Variants in GPLD1 observed in about 807,000 individuals in gnomAD.
GPLD1 encodes the protein phosphatidylinositol-glycan-specific phospholipase D.
GPLD1 carries 84 observed loss-of-function variants against 112.6 expected under a neutral mutation model. The observed-to-expected ratio is 0.75, with a 90% CI of 0.63 to 0.89. GPLD1 has a LOEUF of 0.89. Among genes scored for constraint, GPLD1 ranks in the 40% least tolerant of loss-of-function variants. The probability of loss-of-function intolerance (pLI) is 0.00; values close to 1 mark genes in which losing one functional copy is unlikely to be tolerated. For synonymous variants in GPLD1, 386 were observed against 403.8 expected (o/e 0.96, Z 0.53); for missense variants, 1,044 against 1,051.5 (o/e 0.99, Z 0.10).
At chr6:24,429,515 G>A (rs533749037) in intron 24 of GPLD1, among the ~76,000 whole-genome samples, 1 of 152,232 alleles carries the variant, frequency 6.6e-6, no homozygotes, top group Admixed American at 6.5e-5. Context: ...CCATCTTTCA[G>A]AATTGCCTTC....
intron 2 of GPLD1, among the ~76,000 whole-genome samples, chr6:24,483,971 A>G (rs1764287222): frequency 6.6e-6 from 1 of 152,030 alleles, no homozygotes; most frequent in Non-Finnish European, 1.5e-5. Context: ...AATGGAGCGC[A>G]GCAGTGCGAT....
chr6:24,454,750 A>G (rs1314784674), intron 13 of GPLD1, among the ~76,000 whole-genome samples: 1 of 152,242 alleles, frequency 6.6e-6, no homozygotes, highest in Non-Finnish European at 1.5e-5. Flanking sequence ...GAGCTGGATA[A>G]ACCGAGTCAA....
At chr6:24,462,698 T>A (rs1215412037) in intron 11 of GPLD1, 32 bp downstream of exon 11, 1 of 1,494,374 alleles carries the variant, frequency 6.7e-7, no homozygotes, top group Admixed American at 1.7e-5. Context: ...TGAGATGTAC[T>A]TTTTCTATGA....
chr6:24,443,264 C>T (rs989549741), intron 20 of GPLD1, among the ~76,000 whole-genome samples: 18 of 152,272 alleles, frequency 1.2e-4, no homozygotes, highest in African/African-American at 4.1e-4. Context: ...TGAGCAAAGG[C>T]AGCTAGCTCC....
intron 10 of GPLD1, among the ~76,000 whole-genome samples, chr6:24,465,526 C>T (rs1321909617): frequency 1.3e-5 from 2 of 151,648 alleles, no homozygotes; most frequent in African/African-American, 4.9e-5. Context: ...GGTGACAGAA[C>T]AAGACCCCAT....
chr6:24,473,551 C>G (rs1299769053), intron 6 of GPLD1, 68 bp downstream of exon 6: 1 of 933,612 alleles, frequency 1.1e-6, no homozygotes, highest in Admixed American at 1.8e-5. Context: ...ATATTTAAAG[C>G]ACAGTAGTGA....
chr6:24,464,135 A>G (rs1336154651), intron 10 of GPLD1, among the ~76,000 whole-genome samples: 2 of 152,212 alleles, frequency 1.3e-5, no homozygotes, highest in Non-Finnish European at 2.9e-5. Flanking sequence ...TCCTTCCAAT[A>G]CAAACTTTGC....
upstream of GPLD1, among the ~76,000 whole-genome samples, chr6:24,489,846 TGCAA>T (rs1764506897): frequency 2.0e-5 from 3 of 152,308 alleles, no homozygotes; most frequent in South Asian, 2.1e-4. Flanking sequence ...TGTGTAGAGA[TGCAA>T]GCAAAGTTGT....
intron 15 of GPLD1, 52 bp downstream of exon 15, chr6:24,449,737 T>C (rs1581746789): frequency 7.9e-7 from 1 of 1,261,004 alleles, no homozygotes; most frequent in African/African-American, 1.5e-5. Context: ...TCCCTCAGAG[T>C]CCCCTCCCTG....
intron 10 of GPLD1, among the ~76,000 whole-genome samples, chr6:24,465,919 G>A (rs1028407851): frequency 6.6e-6 from 1 of 152,182 alleles, no homozygotes; most frequent in Admixed American, 6.5e-5. Flanking sequence ...TATTAGGTGA[G>A]GTATCCTTTG....
intron 4 of GPLD1, among the ~76,000 whole-genome samples, chr6:24,475,906 A>AT (rs1763999626): frequency 6.6e-6 from 1 of 152,026 alleles, no homozygotes; most frequent in Non-Finnish European, 1.5e-5. Context: ...ACACAAAACC[A>AT]TAAGGACTTT....
rs1334303235 is a variant in GPLD1, at chr6:24,429,126, G to A, written c.2437-8C>T. Reference sequence around the variant, plus strand: ...AGCAATGACGACTTGGTTCTGTAAGGGACACAAGACAGAATTCATGGCTCA... The same window carrying A: ...AGCAATGACGACTTGGTTCTGTAAGAGACACAAGACAGAATTCATGGCTCA... On this transcript the variant is annotated splice_region_variant and splice_polypyrimidine_tract_variant and intron_variant, in intron 24 of 24. Coordinates refer to ENST00000230036, the MANE Select transcript of GPLD1 (RefSeq NM_001503.4). 2.5e-6 allele frequency: 4 copies of A among 1,597,290 alleles called. No individual in the cohort carries two copies. Among genetic ancestry groups the A allele is most frequent in the Non-Finnish European group, 3.4e-6 (4 of 1,165,184 alleles).
chr6:24,445,781 A>G lies in GPLD1; in HGVS notation c.1871T>C (p.Val624Ala). Residue 624 changes from valine (V) to alanine (A), a missense_variant, in exon 19 of 25, where the codon GTG becomes GCG. Physicochemically the swap from Val to Ala is moderately conservative, Grantham distance 64 (BLOSUM62 0). Coordinates refer to ENST00000230036, the MANE Select transcript of GPLD1 (RefSeq NM_001503.4). ...IRDEKKSLGR[V>A]YGYFPPNGQS... is the part of the protein sequence containing the mutation. ...GCCGTTTGGTGGGAAGTAGCCATAC[A>G]CCCTCCCAAGGCTCTTTTTCTCATC... 6.2e-7 allele frequency: 1 copy of G among 1,611,782 alleles called. No homozygotes were observed. Among genetic ancestry groups the G allele is most frequent in the South Asian group, 1.1e-5 (1 of 90,952 alleles).
intron 17 of GPLD1, 94 bp from the exon 18 acceptor site, chr6:24,447,073 G>T (rs188779221): frequency 4.2e-6 from 5 of 1,203,606 alleles, no homozygotes; most frequent in Non-Finnish European, 4.7e-6. Flanking sequence ...TAATAGAAGT[G>T]GGTTCATTTT....
At chr6:24,431,408 T>C (rs1249823654) in intron 24 of GPLD1, among the ~76,000 whole-genome samples, 3 of 152,240 alleles carry the variant, frequency 2.0e-5, no homozygotes. Flanking sequence ...TTGCATTTTA[T>C]TTGACTTTCC....
chr6:24,478,968 C>A (rs1169916500), intron 3 of GPLD1, among the ~76,000 whole-genome samples: 1 of 152,108 alleles, frequency 6.6e-6, no homozygotes, highest in African/African-American at 2.4e-5. Flanking sequence ...GAAGCATTGC[C>A]ATCTTGGACA....
At chr6:24,461,744 T>C (rs1763445026) in intron 11 of GPLD1, among the ~76,000 whole-genome samples, 2 of 152,216 alleles carry the variant, frequency 1.3e-5, no homozygotes, top group South Asian at 2.1e-4. Context: ...ACTTGTTTAG[T>C]GCCCAGCTAC....
At chr6:24,491,533 T>C (rs960545364), upstream of GPLD1, among the ~76,000 whole-genome samples, 7 of 151,988 alleles carry the variant, frequency 4.6e-5, no homozygotes, top group African/African-American at 1.7e-4. Flanking sequence ...ATCCCGTCTC[T>C]ACCAAGAAAA....
intron 14 of GPLD1, among the ~76,000 whole-genome samples, chr6:24,452,912 CT>C (rs775299317): frequency 1.3e-5 from 2 of 152,158 alleles, no homozygotes; most frequent in Non-Finnish European, 2.9e-5. Flanking sequence ...GGTTCTCCCC[CT>C]AGCACTTGAC....
Sources: allele counts gnomAD v4.1 joint callset (sites outside exome capture counted in the v4.1 genomes callset), GRCh38; gene constraint gnomAD v4.1.1; transcripts MANE v1.5; gene names NCBI Gene and HGNC (gene_info 2026-07-23, HGNC 2026-07-21).